ANKRA2: variants seen among roughly 807,000 people sequenced by gnomAD.
ANKRA2 encodes ankyrin repeat family A protein 2.
In ANKRA2, 33 loss-of-function variants were observed where a neutral mutation model predicts 37.8. The ratio of observed to expected loss-of-function variants is 0.87; its 90% CI spans 0.66 to 1.17. The LOEUF is 1.17. ANKRA2 is among the 50% of genes most tolerant of loss of function. ANKRA2 has a pLI of 0.00. For missense variants in ANKRA2, 326 were observed against 373.7 expected (o/e 0.87, Z 1.05); for synonymous variants, 126 against 132.3 (o/e 0.95, Z 0.33).
intron 3 of ANKRA2, among the ~76,000 whole-genome samples, chr5:73,560,514 C>CCA (rs1747518674): frequency 1.3e-5 from 2 of 152,056 alleles, no homozygotes; most frequent in African/African-American, 4.8e-5. Flanking sequence ...GCATGCACCA[C>CCA]CACGCCTGGC....
chr5:73,557,649 G>A lies in ANKRA2; in HGVS notation c.449-9C>T, dbSNP rs766351457. The A allele has an allele frequency of 1.2e-6, 2 of 1,603,332 alleles. No individual in the cohort carries two copies. The highest frequency in any genetic ancestry group is 1.1e-5 in the South Asian group (1 of 90,476). ...CTGGTGAACAGACAAAGCTGAAAGAGTATCATAAAATGCTTCATGAATTAT... is the reference window on the plus strand; with the variant it reads ...CTGGTGAACAGACAAAGCTGAAAGAATATCATAAAATGCTTCATGAATTAT... On this transcript the variant is annotated splice_polypyrimidine_tract_variant and intron_variant, in intron 3 of 8. Transcript: ENST00000296785.
chr5:73,562,453 G>T, intron 2 of ANKRA2, 140 bp downstream of exon 2: 5 of 701,872 alleles, frequency 7.1e-6, no homozygotes, highest in South Asian at 2.9e-5. Context: ...TTTAATTTTG[G>T]TTTCTATGAG....
At position 73,554,268 on chromosome 5, in the gene ANKRA2, G is replaced by A. The variant is rs566912983; in HGVS notation, c.805+54C>T. The A allele has an allele frequency of 6.2e-5, 93 of 1,501,458 alleles. 1 individual carries two copies. Among genetic ancestry groups the A allele is most frequent in the Middle Eastern group, 5.1e-4 (3 of 5,832 alleles). The allele number at this position is 1,501,458 out of a possible 1,614,324, so 93.0% of individuals were successfully genotyped here. A position where few individuals can be genotyped will look rare whatever the true frequency, so the allele number is the denominator to read the frequency against. On this transcript the variant is annotated intron_variant, in intron 7 of 8. Coordinates refer to ENST00000296785, the MANE Select transcript of ANKRA2 (RefSeq NM_023039.5). ...GAGTAGTACCAGGGGAGGCCAGGTC[G>A]AAAAAATAAAATCAAGTCCTCACAT... is the stretch of plus-strand genomic sequence containing the variant.
chr5:73,557,641 C>A lies in ANKRA2; in HGVS notation c.449-1G>T. The A allele has an allele frequency of 6.2e-7, 1 of 1,607,090 alleles. No homozygotes were observed. Among genetic ancestry groups the A allele is most frequent in the Non-Finnish European group, 8.5e-7 (1 of 1,174,590 alleles). ...GCAGCCAACTGGTGAACAGACAAAG[C>A]TGAAAGAGTATCATAAAATGCTTCA... On this transcript the variant is annotated splice_acceptor_variant, in intron 3 of 8. Coordinates refer to ENST00000296785, the MANE Select transcript of ANKRA2 (RefSeq NM_023039.5). LOFTEE classifies it high-confidence loss of function.
chr5:73,553,565 G>T, intron 7 of ANKRA2, 79 bp from the exon 8 acceptor site: 2 of 1,204,332 alleles, frequency 1.7e-6, no homozygotes, highest in Non-Finnish European at 2.4e-6. Flanking sequence ...TGTACAAATA[G>T]CTGGAGAGAT....
intron 3 of ANKRA2, among the ~76,000 whole-genome samples, chr5:73,557,879 C>G (rs182134979): frequency 6.6e-6 from 1 of 152,056 alleles, no homozygotes; most frequent in East Asian, 1.9e-4. Flanking sequence ...GAGTTCGAGA[C>G]CAGCCTGGCC....
rs984056804 is a variant in ANKRA2 at position 73,552,576 on chromosome 5, C to T, written c.*221G>A. The T allele has an allele frequency of 1.3e-4, 53 of 420,680 alleles. No individual in the cohort carries two copies. Among genetic ancestry groups the T allele is most frequent in the African/African-American group, 3.8e-4 (18 of 47,430 alleles). The allele number at this position is 420,680 out of a possible 1,614,324, so 26.1% of individuals were successfully genotyped here. The stretch of plus-strand genomic sequence containing the variant: ...CTGTACCATAAAAATTTACATGCCA[C>T]GAAAACATTAATTTATAATTTTAAA... On this transcript the variant is annotated 3_prime_UTR_variant, in exon 9 of 9. Transcript: ENST00000296785.
At position 73,562,719 on chromosome 5, in the gene ANKRA2, T is replaced by A. The variant is rs1250347232; in HGVS notation, c.163A>T (p.Ile55Leu). 1 of 1,614,226 alleles carries A rather than the reference T, an allele frequency of 6.2e-7. No homozygotes were observed. Among genetic ancestry groups the A allele is most frequent in the South Asian group, 1.1e-5 (1 of 91,088 alleles). ...AQGVAMGMKF[I>L]LPNRFDMNVC... ...TTCATATCAAATCGGTTAGGCAATA[T>A]GAATTTCATTCCCATGGCAACACCC... Residue 55 changes from isoleucine (I) to leucine (L), a missense_variant, in exon 2 of 9, where the codon ATA becomes TTA. By Grantham distance (5) the Ile-to-Leu change is conservative. Around this residue, in one of 3 missense-constraint regions of ANKRA2, gnomAD observed 93 missense variants for 91.1 expected, o/e 1.02. Coordinates refer to ENST00000296785, the MANE Select transcript of ANKRA2 (RefSeq NM_023039.5).
intron 3 of ANKRA2, among the ~76,000 whole-genome samples, chr5:73,558,934 T>C (rs905048746): frequency 2.0e-5 from 3 of 152,226 alleles, no homozygotes; most frequent in Non-Finnish European, 4.4e-5. Context: ...GTAAATCAAA[T>C]GATCTTAGGT....
Position 73,562,797 on chromosome 5 carries a change from C to G in ANKRA2, c.85G>C (p.Asp29His). The G allele has an allele frequency of 6.2e-7, 1 of 1,614,152 alleles. No homozygotes were observed. Among genetic ancestry groups the G allele is most frequent in the Non-Finnish European group, 8.5e-7 (1 of 1,180,018 alleles). Residue 29 changes from aspartate to histidine, a missense_variant, in exon 2 of 9, where the codon GAC (aspartate) becomes CAC (histidine). Coordinates refer to ENST00000296785, the MANE Select transcript of ANKRA2 (RefSeq NM_023039.5). ...PSTYSLTGMPDIKIEHPLDPN... is the reference protein window; with the variant it reads ...PSTYSLTGMPHIKIEHPLDPN... Reference sequence around the variant, plus strand: ...TCCAGTGGATGTTCTATTTTAATGTCTGGCATGCCAGTTAGGCTATAAGTG... The same window carrying G: ...TCCAGTGGATGTTCTATTTTAATGTGTGGCATGCCAGTTAGGCTATAAGTG...
chr5:73,554,402 A>C lies in ANKRA2; in HGVS notation c.739-14T>G. 6.3e-7 allele frequency: 1 copy of C among 1,596,910 alleles called. No individual in the cohort carries two copies. Among genetic ancestry groups the C allele is most frequent in the Admixed American group, 1.7e-5 (1 of 59,556 alleles). Reference sequence around the variant, plus strand: ...TGTTCCTCCATTCTGCAAAATGAAAAGGTGATTCAGAGTTTTTCACGGTGA... The same window carrying C: ...TGTTCCTCCATTCTGCAAAATGAAACGGTGATTCAGAGTTTTTCACGGTGA... On this transcript the variant is annotated splice_polypyrimidine_tract_variant and intron_variant, in intron 6 of 8. Coordinates refer to ENST00000296785, the MANE Select transcript of ANKRA2 (RefSeq NM_023039.5).
At chr5:73,554,838 T>A in intron 6 of ANKRA2, 23 bp downstream of exon 6, 2 of 1,602,196 alleles carry the variant, frequency 1.2e-6, no homozygotes, top group Non-Finnish European at 1.7e-6. Context: ...AGAGTCATTT[T>A]AAATTTAGTA....
In ANKRA2 at chr5:73,555,485, T is replaced by G. The variant is rs1404116897; in HGVS notation, c.612+3A>C. 3.1e-6 allele frequency: 5 copies of G among 1,612,830 alleles called. No homozygotes were observed. The highest frequency in any genetic ancestry group is 4.2e-6 in the Non-Finnish European group (5 of 1,179,020). ...TATACATTTTCTGAGGCATTTTCCT[T>G]ACATTCTGAAGTAGGAACTCTACCA... On this transcript the variant is annotated splice_donor_region_variant and intron_variant, in intron 5 of 8. Coordinates refer to ENST00000296785, the MANE Select transcript of ANKRA2 (RefSeq NM_023039.5).
intron 3 of ANKRA2, among the ~76,000 whole-genome samples, chr5:73,558,181 T>C (rs892985053): frequency 1.3e-5 from 2 of 152,224 alleles, no homozygotes; most frequent in Admixed American, 1.3e-4. Context: ...TTTCGTCATG[T>C]TGTTCTGGCT....
rs992603723 is a variant in ANKRA2, at chr5:73,554,234, G to A, written c.805+88C>T. 6.4e-6 allele frequency: 7 copies of A among 1,097,040 alleles called. No individual in the cohort carries two copies. In the African/African-American group the frequency reaches 1.1e-4, roughly 17 times the overall value. The allele number at this position is 1,097,040 out of a possible 1,614,324, so 68.0% of individuals were successfully genotyped here. A position where few individuals can be genotyped will look rare whatever the true frequency, so the allele number is the denominator to read the frequency against. On this transcript the variant is annotated intron_variant, in intron 7 of 8. Transcript: ENST00000296785. ...ATTCATGTATTTAACAATAGTTAAT[G>A]ATTCTCCTGAGTAGTACCAGGGGAG...
chr5:73,555,462 T>C (rs767407989), intron 5 of ANKRA2, 26 bp downstream of exon 5: 7 of 1,611,434 alleles, frequency 4.3e-6, no homozygotes, highest in Non-Finnish European at 5.1e-6. Context: ...ACTATACATA[T>C]ACATTTTCTG....
rs140857278 is a variant in ANKRA2 at position 73,561,282 on chromosome 5, C to T, written c.296G>A (p.Cys99Tyr). Residue 99 changes from cysteine (C) to tyrosine (Y), a missense_variant, in exon 3 of 9, where the codon TGC becomes TAC. Physicochemically the swap from Cys to Tyr is radical, Grantham distance 194 (BLOSUM62 -2). This residue lies in a region of ANKRA2 where 228 missense variants were observed against 260.2 expected (regional missense o/e 0.88). Coordinates refer to ENST00000296785, the MANE Select transcript of ANKRA2 (RefSeq NM_023039.5). The stretch of plus-strand genomic sequence containing the variant: ...CGGAGAAGGAGATGTATGGATATTG[C>T]ATTCAGCTAAGTGAAAAACAAATGT... ...EVASVLFKAE[C>Y]NIHTSPSPGI... The T allele has an allele frequency of 3.5e-5, 56 of 1,612,130 alleles. No homozygotes were observed. Among genetic ancestry groups the T allele is most frequent in the Non-Finnish European group, 4.6e-5 (54 of 1,178,838 alleles).
chr5:73,554,752 C>T, intron 6 of ANKRA2, 109 bp downstream of exon 6: 2 of 1,319,098 alleles, frequency 1.5e-6, no homozygotes, highest in East Asian at 2.4e-5. Context: ...AGGTGTACAC[C>T]ACGATGCTCA....
chr5:73,561,162 T>C lies in ANKRA2; in HGVS notation c.416A>G (p.Asn139Ser). The C allele has an allele frequency of 6.2e-7, 1 of 1,613,958 alleles. No individual in the cohort carries two copies. Among genetic ancestry groups the C allele is most frequent in the Non-Finnish European group, 8.5e-7 (1 of 1,179,950 alleles). Reference protein sequence around the residue: ...STTLTNKHRGNEVSTTPLLAN... With the variant: ...STTLTNKHRGSEVSTTPLLAN... ...TAACAGAGGTGTGGTAGAGACCTCA[T>C]TTCCTCTGTGTTTGTTGGTTAAAGT... The change falls in exon 3 of 9, where the codon AAT becomes AGT. Residue 139 changes from asparagine to serine, a missense_variant. Coordinates refer to ENST00000296785, the MANE Select transcript of ANKRA2 (RefSeq NM_023039.5).
Sources: gnomAD v4.1 joint callset for allele counts (sites outside exome capture counted in the v4.1 genomes callset) on GRCh38, gnomAD v4.1.1 for gene constraint, gnomAD v4.1.1 regional missense constraint, MANE v1.5 for transcripts, NCBI Gene and HGNC (gene_info 2026-07-23, HGNC 2026-07-21) for gene names.